The following THOP1 variants were observed in gnomAD, a reference collection of about 807,000 sequenced individuals.
THOP1 encodes thimet oligopeptidase 1.
In THOP1, 49 loss-of-function variants were observed where a neutral mutation model predicts 71.8. The observed-to-expected ratio is 0.68, with a 90% CI of 0.54 to 0.87. THOP1 has a LOEUF of 0.87. Among genes scored for constraint, THOP1 ranks in the 40% least tolerant of loss-of-function variants. The pLI is 0.00. For missense variants in THOP1, 843 were observed against 975.6 expected (o/e 0.86, Z 1.81); for synonymous variants, 426 against 421.5 (o/e 1.01, Z -0.13).
Position 2,790,573 on chromosome 19 carries a change from G to A in THOP1, c.169G>A (p.Glu57Lys), listed in dbSNP as rs772805826. 4 of 1,606,666 alleles carry A rather than the reference G, an allele frequency of 2.5e-6. No homozygotes were observed. In the Admixed American group the frequency reaches 5.1e-5, roughly 21 times the overall value. Residue 57 changes from glutamate (E) to lysine (K), a missense_variant, in exon 2 of 13, where the codon GAG (glutamate) becomes AAG (lysine). Glu to Lys is a moderately conservative substitution (Grantham distance 56, BLOSUM62 1). Coordinates refer to ENST00000307741, the MANE Select transcript of THOP1 (RefSeq NM_003249.5). The stretch of plus-strand genomic sequence containing the variant: ...TGACCAGGTTGGCACCCAGGAGTTT[G>A]AGGACGTGTCCTACGAGAGCACGCT... ...VYDQVGTQEF[E>K]DVSYESTLKA... is the part of the protein sequence containing the mutation.
intron 2 of THOP1, among the ~76,000 whole-genome samples, 181 bp downstream of exon 2, chr19:2,790,814 T>C (rs890285097): frequency 2.0e-5 from 3 of 152,216 alleles, no homozygotes; most frequent in African/African-American, 4.8e-5. Context: ...CTAAATCAGA[T>C]GGCTGGGCGG....
At position 2,785,647 on chromosome 19, in the gene THOP1, C is replaced by G; in HGVS notation, c.-16C>G. The G allele has an allele frequency of 8.7e-6, 13 of 1,493,562 alleles. No homozygotes were observed. The highest frequency in any genetic ancestry group is 1.2e-5 in the Non-Finnish European group (13 of 1,120,584). 92.5% of individuals were successfully genotyped at this position (1,493,562 alleles called of 1,614,324 possible). A position where few individuals can be genotyped will look rare whatever the true frequency, so the allele number is the denominator to read the frequency against. ...GTGGAAGGAGGGAGGGAGCCGCAGG[C>G]GCAGACCCACCCGCCATGAAGCCCC... On this transcript the variant is annotated 5_prime_UTR_variant, in exon 1 of 13. Transcript: ENST00000307741.
At chr19:2,812,956 C>A (rs1286978019) in intron 12 of THOP1, among the ~76,000 whole-genome samples, 159 bp from the exon 13 acceptor site, 3 of 152,142 alleles carry the variant, frequency 2.0e-5, no homozygotes, top group Non-Finnish European at 4.4e-5. Context: ...GGCACCTGCG[C>A]TCTCCCACCT....
In THOP1 at chr19:2,804,031, C is replaced by T. The variant is rs961794508; in HGVS notation, c.590-985C>T. Reference sequence around the variant, plus strand: ...CTTTCTACCCCTACTGCTCTGGGGTCCGTGTGAGCTCCGGATCATTCTTTC... The same window carrying T: ...CTTTCTACCCCTACTGCTCTGGGGTTCGTGTGAGCTCCGGATCATTCTTTC... On this transcript the variant is annotated intron_variant, in intron 5 of 12. Transcript: ENST00000307741. The surrounding 1 kb of genome is among the most constrained non-coding windows in gnomAD (Gnocchi z 4.7). Among the ~76,000 whole-genome samples the T allele has an allele frequency of 1.3e-5, 2 of 151,626 alleles. No individual in the cohort carries two copies. The highest frequency in any genetic ancestry group is 4.9e-5 in the African/African-American group (2 of 41,208).
At position 2,810,770 on chromosome 19, in the gene THOP1, T is replaced by A. The variant is rs749180196; in HGVS notation, c.1771+2T>A. The A allele has an allele frequency of 3.7e-6, 6 of 1,601,872 alleles. No homozygotes were observed. Among genetic ancestry groups the A allele is most frequent in the Non-Finnish European group, 5.1e-6 (6 of 1,177,146 alleles). On this transcript the variant is annotated splice_donor_variant, in intron 11 of 12. Coordinates refer to ENST00000307741, the MANE Select transcript of THOP1 (RefSeq NM_003249.5). LOFTEE classifies it high-confidence loss of function. ...TCCTCGGGGTCCCGGCCACGCCAGG[T>A]AGCCACCCTTGAGCCGGGCACACCC... is the stretch of plus-strand genomic sequence containing the variant.
chr19:2,805,259 C>G lies in THOP1; in HGVS notation c.750+83C>G. The G allele has an allele frequency of 6.9e-7, 1 of 1,450,974 alleles. No individual in the cohort carries two copies. The highest frequency in any genetic ancestry group is 9.2e-7 in the Non-Finnish European group (1 of 1,089,004). 89.9% of individuals were successfully genotyped at this position (1,450,974 alleles called of 1,614,324 possible). ...TCTGCTCCATGTGTGTGAGGCACCT[C>G]CAGGCTTTGCACTTGGATGGCCTCC... On this transcript the variant is annotated intron_variant, in intron 6 of 12. Transcript: ENST00000307741. This position sits in a 1 kb window ranked among gnomAD's most constrained non-coding sequence, Gnocchi z 6.6.
intron 5 of THOP1, among the ~76,000 whole-genome samples, chr19:2,800,868 C>T (rs1392905230): frequency 2.0e-5 from 3 of 151,954 alleles, no homozygotes; most frequent in East Asian, 1.9e-4. Flanking sequence ...ACCGTCCCCG[C>T]GGCCACCCGC....
intron 1 of THOP1, among the ~76,000 whole-genome samples, chr19:2,790,078 A>G (rs755474770): frequency 2.6e-5 from 4 of 152,156 alleles, no homozygotes; most frequent in Non-Finnish European, 5.9e-5. Flanking sequence ...TAACAGCAGT[A>G]TCATCTCTAT....
At chr19:2,786,765 A>T (rs867557032) in intron 1 of THOP1, among the ~76,000 whole-genome samples, 4 of 101,206 alleles carry the variant, frequency 4.0e-5, no homozygotes, top group South Asian at 3.6e-4. Flanking sequence ...CACCTGGCTA[A>T]TTTTTTTTTT....
intron 12 of THOP1, 121 bp from the exon 13 acceptor site, chr19:2,812,994 C>G: frequency 7.8e-7 from 1 of 1,278,534 alleles, no homozygotes; most frequent in Non-Finnish European, 1.1e-6. Context: ...CCCCGGGCCT[C>G]CCTGGGAACC....
Position 2,811,681 on chromosome 19 carries a change from T to C in THOP1, c.1855T>C (p.Ser619Pro). Reference sequence around the variant, plus strand: ...CGGGTACCTGTGGAGCGAGGTGTATTCCATGGACATGTTCCACACGCGCTT... The same window carrying C: ...CGGGTACCTGTGGAGCGAGGTGTATCCCATGGACATGTTCCACACGCGCTT... ...YYGYLWSEVY[S>P]MDMFHTRFKQ... The change falls in exon 12 of 13, where the codon TCC (serine) becomes CCC (proline). Residue 619 changes from serine (S) to proline (P), a missense_variant. Ser to Pro is a moderately conservative substitution (Grantham distance 74). Coordinates refer to ENST00000307741, the MANE Select transcript of THOP1 (RefSeq NM_003249.5). 4 of 1,613,522 alleles carry C rather than the reference T, an allele frequency of 2.5e-6. No homozygotes were observed. Among genetic ancestry groups the C allele is most frequent in the Non-Finnish European group, 3.4e-6 (4 of 1,179,968 alleles).
chr19:2,804,710 C>G lies in THOP1; in HGVS notation c.590-306C>G. The stretch of plus-strand genomic sequence containing the variant: ...TGTCCGGGGGTTGGGCTGGATTTAG[C>G]TTTAACCTCTCTGGGGCAGGAGATC... On this transcript the variant is annotated intron_variant, in intron 5 of 12. Transcript: ENST00000307741. This position sits in a 1 kb window ranked among gnomAD's most constrained non-coding sequence, Gnocchi z 4.7. 3.4e-6 allele frequency: 1 copy of G among 292,968 alleles called. No homozygotes were observed. The highest frequency in any genetic ancestry group is 1.0e-3 in the Middle Eastern group (1 of 964). The allele number at this position is 292,968 out of a possible 1,614,324, so 18.1% of individuals were successfully genotyped here.
chr19:2,813,068 T>G lies in THOP1; in HGVS notation c.1909-47T>G, dbSNP rs747537809. 7 of 1,557,298 alleles carry G rather than the reference T, an allele frequency of 4.5e-6. No homozygotes were observed. The East Asian group carries it at 1.2e-4, about 26-fold the overall frequency. Reference sequence around the variant, plus strand: ...TGCAGACTCCTGGGGTCCTCTGCCTTCCTCCCTGGGTCCCCACCCGGCCAC... The same window carrying G: ...TGCAGACTCCTGGGGTCCTCTGCCTGCCTCCCTGGGTCCCCACCCGGCCAC... On this transcript the variant is annotated intron_variant, in intron 12 of 12. Transcript: ENST00000307741.
intron 4 of THOP1, among the ~76,000 whole-genome samples, chr19:2,798,010 A>C (rs1916059209): frequency 6.6e-6 from 1 of 152,054 alleles, no homozygotes; most frequent in Admixed American, 6.6e-5. Context: ...AGAGCCAGTT[A>C]TTTTTATTTT....
At chr19:2,799,629 G>GTC (rs2144767980) in intron 4 of THOP1, 60 bp from the exon 5 acceptor site, 1 of 1,402,466 alleles carries the variant, frequency 7.1e-7, no homozygotes, top group African/African-American at 1.4e-5. Flanking sequence ...CAGGCGTTGC[G>GTC]TCTCCCCGCG....
chr19:2,788,153 C>A (rs538589654), intron 1 of THOP1, among the ~76,000 whole-genome samples: 1 of 152,170 alleles, frequency 6.6e-6, no homozygotes, highest in Non-Finnish European at 1.5e-5. Flanking sequence ...TGCCTTCATA[C>A]CTCACTGAAT....
intron 1 of THOP1, among the ~76,000 whole-genome samples, chr19:2,788,719 T>TCCACCCGCCTTGGCCTC (rs1473962687): frequency 6.6e-6 from 1 of 152,158 alleles, no homozygotes; most frequent in African/African-American, 2.4e-5. Flanking sequence ...CCTCAGGTGA[T>TCCACCCGCCTTGGCCTC]CCACCCGCCT....
intron 12 of THOP1, among the ~76,000 whole-genome samples, chr19:2,812,564 G>C (rs375183627): frequency 1.3e-5 from 2 of 152,182 alleles, no homozygotes; most frequent in African/African-American, 4.8e-5. Flanking sequence ...AGGACCGGCC[G>C]GGGGCTGTAG....
At chr19:2,785,803 C>A in intron 1 of THOP1, 125 bp downstream of exon 1, 2 of 932,032 alleles carry the variant, frequency 2.1e-6, no homozygotes, top group Non-Finnish European at 2.8e-6. Context: ...GCTGGAGGGG[C>A]AGCGGGGGAG....
Sources: gnomAD v4.1 joint callset for allele counts (sites outside exome capture counted in the v4.1 genomes callset) on GRCh38, gnomAD v4.1.1 for gene constraint, Gnocchi (gnomAD v3.1) non-coding constraint, MANE v1.5 for transcripts, NCBI Gene and HGNC (gene_info 2026-07-23, HGNC 2026-07-21) for gene names.